Variants in GIT1 observed in about 807,000 individuals in gnomAD.
GIT1 encodes the protein GIT ArfGAP 1, also known as ARF GTPase-activating protein GIT1.
In GIT1, 14 loss-of-function variants were observed where a neutral mutation model predicts 91.7. The ratio of observed to expected loss-of-function variants is 0.15; its 90% CI spans 0.10 to 0.24. The LOEUF is 0.24. GIT1 is among the 10% of genes least tolerant of loss of function. The probability of loss-of-function intolerance (pLI) is 1.00; values close to 1 mark genes in which losing one functional copy is unlikely to be tolerated. For synonymous variants in GIT1, 414 were observed against 418.2 expected, an observed-to-expected ratio of 0.99 and a Z score of 0.12; for missense variants, 717 against 1,024.9, an observed-to-expected ratio of 0.70 and a Z score of 4.10.
Position 29,582,967 on chromosome 17 carries a change from A to C in GIT1, c.257T>G (p.Val86Gly). The change falls in exon 3 of 20, where the codon GTG becomes GGG. Residue 86 changes from valine (V) to glycine (G), a missense_variant. Around this residue, in one of 3 missense-constraint regions of GIT1, gnomAD observed 271 missense variants for 451.6 expected, o/e 0.60. Transcript: ENST00000225394. ...GTTGGCTTTACGCCGGCCGCTCTGC[A>C]CTTGTGCGGGGTCCAGCAGGGAGTG... ...WEHSLLDPAQ[V>G]QSGRRKANPQ... The C allele has an allele frequency of 6.2e-7, 1 of 1,612,470 alleles. No individual in the cohort carries two copies. The highest frequency in any genetic ancestry group is 8.5e-7 in the Non-Finnish European group (1 of 1,179,856).
chr17:29,587,132 C>T (rs1278034933), intron 1 of GIT1, among the ~76,000 whole-genome samples: 1 of 152,150 alleles, frequency 6.6e-6, no homozygotes, highest in Non-Finnish European at 1.5e-5. Flanking sequence ...TGGGGTGGAG[C>T]GATACACCAT....
At position 29,575,262 on chromosome 17, in the gene GIT1, C is replaced by T. The variant is rs745668975; in HGVS notation, c.2009+26G>A. ...CTAGAAGCCAACAGGAACTGCATCC[C>T]CCTCACCTCCCCCTCCACTCAGTAC... On this transcript the variant is annotated intron_variant, in intron 18 of 19. Transcript: ENST00000225394. This position sits in a 1 kb window ranked among gnomAD's most constrained non-coding sequence, Gnocchi z 5.5. The T allele has an allele frequency of 7.5e-6, 12 of 1,594,662 alleles. No homozygotes were observed. The highest frequency in any genetic ancestry group is 9.4e-6 in the Non-Finnish European group (11 of 1,167,882).
At chr17:29,585,093 T>C (rs1023819387) in intron 1 of GIT1, among the ~76,000 whole-genome samples, 1 of 149,392 alleles carries the variant, frequency 6.7e-6, no homozygotes, top group Non-Finnish European at 1.5e-5. Flanking sequence ...CGCCAACACC[T>C]TCCTGGGGGG....
At chr17:29,583,676 C>T in intron 1 of GIT1, 60 bp from the exon 2 acceptor site, 3 of 1,510,898 alleles carry the variant, frequency 2.0e-6, no homozygotes, top group South Asian at 1.2e-5. Flanking sequence ...CTCCTGAGCA[C>T]CTGCTCTGGC....
In GIT1 at chr17:29,578,375, GA is replaced by G. The variant is rs1352350408; in HGVS notation, c.811-5del. 1.5e-5 allele frequency: 25 copies of G among 1,613,910 alleles called. No individual in the cohort carries two copies. The highest frequency in any genetic ancestry group is 1.8e-5 in the Non-Finnish European group (21 of 1,179,770). On this transcript the variant is annotated splice_polypyrimidine_tract_variant and splice_region_variant and intron_variant, in intron 8 of 19. Transcript: ENST00000225394. ...CCTCAAAAAGCCGGTTGCTGAGCTG[GA>G]GGAAGAGAGGGGCCCAGATGTTGTC...
intron 12 of GIT1, 76 bp downstream of exon 12, chr17:29,576,787 C>T (rs533998529): frequency 1.4e-4 from 227 of 1,577,116 alleles, no homozygotes; most frequent in Admixed American, 8.3e-4. Context: ...CCCTGGGCTA[C>T]AAGAGGACAG....
chr17:29,583,946 T>C, intron 1 of GIT1: 1 of 346,942 alleles, frequency 2.9e-6, no homozygotes, highest in South Asian at 5.9e-5. Context: ...ACGAGGTCTC[T>C]GCCCCAGCCC....
chr17:29,577,108 C>T, intron 11 of GIT1, 28 bp downstream of exon 11: 1 of 1,608,262 alleles, frequency 6.2e-7, no homozygotes, highest in Non-Finnish European at 8.5e-7. Context: ...CCGCCTGCTT[C>T]CCACACCCTC....
intron 10 of GIT1, 124 bp downstream of exon 10, chr17:29,577,521 C>G (rs1355670514): frequency 6.7e-6 from 5 of 750,798 alleles, no homozygotes; most frequent in Non-Finnish European, 1.2e-5. Flanking sequence ...CCAGTGCCAG[C>G]TGTGCCCTGA....
chr17:29,577,967 A>G (rs614334), intron 9 of GIT1, among the ~76,000 whole-genome samples: 114,677 of 152,248 alleles, frequency 0.75, 43,510 homozygotes, highest in East Asian at 0.92. Flanking sequence ...CACTCATCCA[A>G]ACCCAGAGTT....
In GIT1 at chr17:29,574,872, T is replaced by C. The variant is rs1425331567; in HGVS notation, c.2116A>G (p.Asn706Asp). ...EPVRSSLRLL[N>D]ASAYRLQSEC... ...CTCTGCAGCCGGTAGGCGCTGGCGT[T>C]GAGCAGCCGCAGTGAGCTCCGCACT... The change falls in exon 20 of 20, where the codon AAC becomes GAC. Residue 706 changes from asparagine (N) to aspartate (D), a missense_variant. This residue lies in a region of GIT1 where 134 missense variants were observed against 223.8 expected (regional missense o/e 0.60). Transcript: ENST00000225394. The C allele has an allele frequency of 1.9e-6, 3 of 1,585,742 alleles. No homozygotes were observed. The highest frequency in any genetic ancestry group is 2.3e-5 in the East Asian group (1 of 43,740).
Position 29,581,215 on chromosome 17 carries a change from T to A in GIT1, c.761+123A>T. ...TAGGGACTGAGGACTAAGCTGTGCC[T>A]CTAGTCTCTGGGGGGAGGGAGCAGG... On this transcript the variant is annotated intron_variant, in intron 7 of 19. Coordinates refer to ENST00000225394, the MANE Select transcript of GIT1 (RefSeq NM_014030.4). This position sits in a 1 kb window ranked among gnomAD's most constrained non-coding sequence, Gnocchi z 4.8. 2.7e-6 allele frequency: 2 copies of A among 751,580 alleles called. 1 individual carries two copies. The highest frequency in any genetic ancestry group is 2.9e-5 in the South Asian group (2 of 69,778). 46.6% of individuals were successfully genotyped at this position (751,580 alleles called of 1,614,324 possible).
chr17:29,576,781 G>A (rs2033220941), intron 12 of GIT1, 82 bp downstream of exon 12: 4 of 1,576,390 alleles, frequency 2.5e-6, no homozygotes, highest in East Asian at 2.3e-5. Context: ...TCAGGCCCCT[G>A]GGCTACAAGA....
rs2033064798 is a variant in GIT1, at chr17:29,573,542, A to G, written c.*1160T>C. The G allele has an allele frequency of 6.6e-6, 1 of 152,568 alleles. No homozygotes were observed. The highest frequency in any genetic ancestry group is 2.4e-5 in the African/African-American group (1 of 41,444). The allele number at this position is 152,568 out of a possible 1,614,324, so 9.5% of individuals were successfully genotyped here. On this transcript the variant is annotated 3_prime_UTR_variant, in exon 20 of 20. Coordinates refer to ENST00000225394, the MANE Select transcript of GIT1 (RefSeq NM_014030.4). ...GTCTTGACAGCCCACCCACCACCAC[A>G]CAGGTAGGGCCTGGCCCCCAGGGAA...
chr17:29,576,263 G>A lies in GIT1; in HGVS notation c.1568C>T (p.Pro523Leu), dbSNP rs1174618382. ...CAGCCGCGTAGTGAGCTCGTCCCCAGGGGGGCCCCCAAAGGGCTTCAGGGC... is the reference window on the plus strand; with the variant it reads ...CAGCCGCGTAGTGAGCTCGTCCCCAAGGGGGCCCCCAAAGGGCTTCAGGGC... Reference protein sequence around the residue: ...GSALKPFGGPPGDELTTRLQP... With the variant: ...GSALKPFGGPLGDELTTRLQP... Residue 523 changes from proline (P) to leucine (L), a missense_variant, in exon 14 of 20, where the codon CCT (proline) becomes CTT (leucine). Physicochemically the swap from Pro to Leu is moderately conservative, Grantham distance 98. This residue lies in a region of GIT1 where 312 missense variants were observed against 349.5 expected (regional missense o/e 0.89). Coordinates refer to ENST00000225394, the MANE Select transcript of GIT1 (RefSeq NM_014030.4). The A allele has an allele frequency of 6.2e-7, 1 of 1,608,748 alleles. No individual in the cohort carries two copies. Among genetic ancestry groups the A allele is most frequent in the African/African-American group, 1.3e-5 (1 of 74,848 alleles).
At chr17:29,584,598 G>C (rs1367480397) in intron 1 of GIT1, among the ~76,000 whole-genome samples, 1 of 152,214 alleles carries the variant, frequency 6.6e-6, no homozygotes. Context: ...TGCCGCCTGA[G>C]AGTGGGGGCA....
chr17:29,589,271 G>A lies in GIT1; in HGVS notation c.52+56C>T, dbSNP rs2033722157. ...CACAGCGCTCTTGCCAGGCCCCGGC[G>A]CCCGCCCGGCGGCGGCCTGGCTGTG... On this transcript the variant is annotated intron_variant, in intron 1 of 19. Coordinates refer to ENST00000225394, the MANE Select transcript of GIT1 (RefSeq NM_014030.4). This position sits in a 1 kb window ranked among gnomAD's most constrained non-coding sequence, Gnocchi z 5.2. 2 of 760,578 alleles carry A rather than the reference G, an allele frequency of 2.6e-6. No homozygotes were observed. The highest frequency in any genetic ancestry group is 1.9e-5 in the African/African-American group (1 of 52,550). 47.1% of individuals were successfully genotyped at this position (760,578 alleles called of 1,614,324 possible). A position where few individuals can be genotyped will look rare whatever the true frequency, so the allele number is the denominator to read the frequency against.
At chr17:29,577,302 G>T in intron 10 of GIT1, 55 bp from the exon 11 acceptor site, 2 of 1,338,968 alleles carry the variant, frequency 1.5e-6, no homozygotes, top group South Asian at 1.2e-5. Context: ...GACTGACGCA[G>T]GACGGCAGGG....
At chr17:29,576,191 C>T (rs775613001) in intron 14 of GIT1, 29 bp downstream of exon 14, 4 of 1,609,358 alleles carry the variant, frequency 2.5e-6, no homozygotes, top group South Asian at 1.1e-5. Flanking sequence ...ACCCATCTCC[C>T]CACACCTTGA....
Sources: allele counts gnomAD v4.1 joint callset (sites outside exome capture counted in the v4.1 genomes callset), GRCh38; gene constraint gnomAD v4.1.1; regional missense constraint gnomAD v4.1.1; non-coding constraint Gnocchi (gnomAD v3.1); transcripts MANE v1.5; gene names NCBI Gene and HGNC (gene_info 2026-07-23, HGNC 2026-07-21).